SUGCT: variants seen among roughly 807,000 people sequenced by gnomAD.
SUGCT encodes succinyl-CoA:glutarate CoA-transferase.
In SUGCT, 41 loss-of-function variants were observed where a neutral mutation model predicts 55.0. The observed-to-expected ratio is 0.74, with a 90% confidence interval of 0.58 to 0.97. The LOEUF (loss-of-function observed/expected upper bound fraction) is 0.97. SUGCT is among the 50% of genes least tolerant of loss of function. The pLI is 0.00. For missense variants in SUGCT, 568 were observed against 547.8 expected, an observed-to-expected ratio of 1.04 and a Z score of -0.37; for synonymous variants, 187 against 200.4, an observed-to-expected ratio of 0.93 and a Z score of 0.56.
At chr7:40,603,196 T>G (rs1444788546) in intron 12 of SUGCT, among the ~76,000 whole-genome samples, 1 of 152,216 alleles carries the variant, frequency 6.6e-6, no homozygotes, top group Non-Finnish European at 1.5e-5. Flanking sequence ...TTAAATTTGA[T>G]TTTCCAAAGT....
At chr7:40,749,409 T>G in intron 12 of SUGCT, 25 bp from the exon 13 acceptor site, 1 of 1,598,486 alleles carries the variant, frequency 6.3e-7, no homozygotes, top group African/African-American at 1.3e-5. Context: ...GTAAATTATT[T>G]TTCTCTCTGT....
chr7:40,929,330 G>A, the SUGCT span, among the ~76,000 whole-genome samples: 1 of 152,052 alleles, frequency 6.6e-6, no homozygotes, highest in African/African-American at 2.4e-5. Context: ...TCATTGATAG[G>A]CACTTGGGTT....
chr7:40,195,503 G>T (rs1020633789), intron 6 of SUGCT, among the ~76,000 whole-genome samples: 15 of 151,940 alleles, frequency 9.9e-5, no homozygotes, highest in African/African-American at 3.6e-4. Flanking sequence ...TTACAGGCGT[G>T]AGCCACCACG....
chr7:40,555,048 T>C (rs1484381367), intron 12 of SUGCT, among the ~76,000 whole-genome samples: 1 of 152,240 alleles, frequency 6.6e-6, no homozygotes, highest in African/African-American at 2.4e-5. Flanking sequence ...AACAGTTTTT[T>C]CTGTAGTAAA....
At chr7:40,166,498 A>G (rs955071702) in intron 1 of SUGCT, among the ~76,000 whole-genome samples, 4 of 152,244 alleles carry the variant, frequency 2.6e-5, no homozygotes, top group Admixed American at 2.6e-4. Flanking sequence ...TTTACATGAA[A>G]TGATATTCAA....
intron 13 of SUGCT, among the ~76,000 whole-genome samples, chr7:40,819,367 C>A (rs1407797632): frequency 2.0e-5 from 3 of 152,118 alleles, no homozygotes; most frequent in African/African-American, 7.2e-5. Flanking sequence ...AGTTTACAGT[C>A]CCACCAACAG....
chr7:40,177,074 G>C (rs1427692116), intron 1 of SUGCT, among the ~76,000 whole-genome samples: 2 of 151,816 alleles, frequency 1.3e-5, no homozygotes, highest in East Asian at 3.9e-4. Flanking sequence ...TCAGTATTTA[G>C]GTTGTTATTA....
intron 12 of SUGCT, among the ~76,000 whole-genome samples, chr7:40,629,824 CT>C (rs2151806356): frequency 6.6e-6 from 1 of 152,216 alleles, no homozygotes; most frequent in East Asian, 1.9e-4. Context: ...TAAAATTACC[CT>C]GGAAGGATAA....
intron 9 of SUGCT, among the ~76,000 whole-genome samples, chr7:40,377,749 G>A (rs1158353975): frequency 6.6e-6 from 1 of 152,054 alleles, no homozygotes; most frequent in Non-Finnish European, 1.5e-5. Context: ...TCAGTTTTAG[G>A]GATTCTGTTT....
intron 4 of SUGCT, among the ~76,000 whole-genome samples, chr7:40,188,844 T>G (rs958089982): frequency 6.6e-6 from 1 of 152,214 alleles, no homozygotes; most frequent in Non-Finnish European, 1.5e-5. Context: ...AAAAATTATT[T>G]GATTCCTTAC....
chr7:40,899,144 C>G, the SUGCT span, among the ~76,000 whole-genome samples: 1 of 152,192 alleles, frequency 6.6e-6, no homozygotes, highest in Non-Finnish European at 1.5e-5. Context: ...CCCTGCTGCT[C>G]TTCCTCTCGC....
intron 9 of SUGCT, among the ~76,000 whole-genome samples, chr7:40,328,980 G>A (rs180705682): frequency 2.8e-4 from 43 of 152,280 alleles, no homozygotes; most frequent in African/African-American, 9.6e-4. Context: ...CTAGCCTGGT[G>A]GCTCTGTGTG....
At chr7:40,950,898 G>A in the SUGCT span, among the ~76,000 whole-genome samples, 7 of 152,126 alleles carry the variant, frequency 4.6e-5, no homozygotes, top group Non-Finnish European at 7.3e-5. Context: ...TGTTCATCGG[G>A]GATATTGGAC....
chr7:40,859,079 C>G (rs1213466582), intron 13 of SUGCT, among the ~76,000 whole-genome samples: 1 of 151,712 alleles, frequency 6.6e-6, no homozygotes, highest in Non-Finnish European at 1.5e-5. Flanking sequence ...CAAGAGAAAG[C>G]CAGAAAAAAA....
chr7:41,030,784 C>G, the SUGCT span, among the ~76,000 whole-genome samples: 2 of 152,090 alleles, frequency 1.3e-5, no homozygotes, highest in Non-Finnish European at 2.9e-5. Flanking sequence ...GAAGTGAGAT[C>G]GTTGCCTCTG....
intron 6 of SUGCT, among the ~76,000 whole-genome samples, chr7:40,233,345 A>C (rs57205249): frequency 0.38 from 57,024 of 151,640 alleles, 10,828 homozygotes; most frequent in East Asian, 0.48. Context: ...TCAGCCTCCC[A>C]AGTAGCTGGG....
chr7:40,815,418 G>A (rs868854675), intron 13 of SUGCT, among the ~76,000 whole-genome samples: 2 of 152,330 alleles, frequency 1.3e-5, no homozygotes, highest in South Asian at 4.1e-4. Flanking sequence ...GCCTGGTTAT[G>A]GGGTAGAGAG....
At chr7:40,235,348 G>A (rs1788953239) in intron 6 of SUGCT, among the ~76,000 whole-genome samples, 1 of 151,936 alleles carries the variant, frequency 6.6e-6, no homozygotes, top group Admixed American at 6.6e-5. Flanking sequence ...TATTTTTTGA[G>A]ACAGACTCTC....
In SUGCT at chr7:40,193,799, C is replaced by T. The variant is rs192897856; in HGVS notation, c.364-1141C>T. ...TAATTTTAGTAGAGACAGGGTTTTA[C>T]CATGTTGGCCAGGCTGGTCTTGAAC... is the stretch of plus-strand genomic sequence containing the variant. On this transcript the variant is annotated intron_variant, in intron 5 of 13. Coordinates refer to ENST00000335693, the MANE Select transcript of SUGCT (RefSeq NM_001193313.2). Among the ~76,000 whole-genome samples the T allele has an allele frequency of 4.0e-5, 6 of 151,800 alleles. No individual in the cohort carries two copies. In the East Asian group the frequency reaches 1.2e-3, roughly 30 times the overall value.
Sources: allele counts gnomAD v4.1 joint callset (sites outside exome capture counted in the v4.1 genomes callset), GRCh38; gene constraint gnomAD v4.1.1; transcripts MANE v1.5; gene names NCBI Gene and HGNC (gene_info 2026-07-23, HGNC 2026-07-21).